ACTR3B: variants seen among roughly 807,000 people sequenced by gnomAD.
The protein encoded by ACTR3B is actin-related protein 3B.
Under a neutral mutation model 59.0 loss-of-function variants are expected in ACTR3B, and 8 were observed. The ratio of observed to expected loss-of-function variants is 0.14; its 90% CI spans 0.08 to 0.24. The LOEUF is 0.24. Ranked by LOEUF, ACTR3B falls within the 10% of genes least tolerant of loss-of-function variation. ACTR3B has a pLI of 1.00. For synonymous variants in ACTR3B, 148 were observed against 197.9 expected (o/e 0.75, Z 2.12); for missense variants, 245 against 552.3 (o/e 0.44, Z 5.58).
chr7:152,832,805 A>C (rs1797134146), intron 9 of ACTR3B, among the ~76,000 whole-genome samples: 1 of 152,166 alleles, frequency 6.6e-6, no homozygotes, highest in South Asian at 2.1e-4. Flanking sequence ...TCTTGAGGAA[A>C]TCTCAGTTTT....
At chr7:152,778,889 G>GCC (rs1159622560) in intron 1 of ACTR3B, among the ~76,000 whole-genome samples, 3 of 137,776 alleles carry the variant, frequency 2.2e-5, no homozygotes, top group Admixed American at 1.6e-4. Flanking sequence ...GCTGCAGTGA[G>GCC]CCGTGATCAC....
intron 9 of ACTR3B, among the ~76,000 whole-genome samples, chr7:152,846,281 A>G (rs754035534): frequency 5.7e-4 from 80 of 139,508 alleles, no homozygotes; most frequent in Non-Finnish European, 1.1e-3. Context: ...CCCGGGCTGC[A>G]GTCTGTAGTG....
chr7:152,789,628 G>A (rs1317639394), intron 2 of ACTR3B, among the ~76,000 whole-genome samples: 3 of 151,070 alleles, frequency 2.0e-5, no homozygotes, highest in African/African-American at 7.4e-5. Flanking sequence ...TTTCTATGCA[G>A]ACTATTGTAT....
chr7:152,834,868 C>G (rs1715616286), intron 9 of ACTR3B, among the ~76,000 whole-genome samples: 1 of 152,142 alleles, frequency 6.6e-6, no homozygotes, highest in Non-Finnish European at 1.5e-5. Context: ...CCTGGCTTAG[C>G]CAGTTTTTGA....
chr7:152,809,727 G>C (rs1272789594), intron 4 of ACTR3B, among the ~76,000 whole-genome samples: 1 of 151,986 alleles, frequency 6.6e-6, no homozygotes, highest in Non-Finnish European at 1.5e-5. Context: ...ATATTTAGTA[G>C]AGACGGGGTT....
intron 2 of ACTR3B, among the ~76,000 whole-genome samples, chr7:152,788,958 G>T (rs1242157436): frequency 6.6e-6 from 1 of 152,236 alleles, no homozygotes; most frequent in Admixed American, 6.5e-5. Context: ...GGGAGTCGAG[G>T]TTGCAGTGAG....
intron 2 of ACTR3B, among the ~76,000 whole-genome samples, chr7:152,800,287 C>A (rs1414107807): frequency 6.6e-6 from 1 of 152,264 alleles, no homozygotes; most frequent in African/African-American, 2.4e-5. Flanking sequence ...GACCTTCTGT[C>A]AGTATAAAAG....
At position 152,855,309 on chromosome 7, in the gene ACTR3B, T is replaced by A. The variant is rs1799167374; in HGVS notation, c.*756T>A. On this transcript the variant is annotated 3_prime_UTR_variant, in exon 12 of 12. Transcript: ENST00000256001. ...TTTTATAGAAGATGATGGTTTGTTG[T>A]CGGTGAGTGTTGGATGAAATACTTC... 1 of 152,274 alleles carries A rather than the reference T, an allele frequency of 6.6e-6. No homozygotes were observed. The highest frequency in any genetic ancestry group is 1.9e-4 in the East Asian group (1 of 5,200). 9.4% of individuals were successfully genotyped at this position (152,274 alleles called of 1,614,324 possible).
chr7:152,765,132 CCGGAGACAGA>C (rs2098104941), intron 1 of ACTR3B, among the ~76,000 whole-genome samples: 1 of 99,152 alleles, frequency 1.0e-5, no homozygotes, highest in Admixed American at 1.2e-4. Context: ...TTTTTTTTTT[CCGGAGACAGA>C]GTTTTGCTTT....
At chr7:152,822,897 C>T (rs943235221) in intron 7 of ACTR3B, among the ~76,000 whole-genome samples, 7 of 152,284 alleles carry the variant, frequency 4.6e-5, no homozygotes, top group African/African-American at 7.2e-5. Context: ...CCAAAGAAGC[C>T]GCTGCAGTCA....
At chr7:152,785,389 AGGGGAG>A (rs2098168544) in intron 2 of ACTR3B, among the ~76,000 whole-genome samples, 6 of 2,432 alleles carry the variant, frequency 2.5e-3, no homozygotes, top group Non-Finnish European at 4.2e-3. Context: ...GGGGGGGGGG[AGGGGAG>A]GGGGAGGGGG....
At chr7:152,768,509 T>G (rs1238498529) in intron 1 of ACTR3B, among the ~76,000 whole-genome samples, 1 of 152,166 alleles carries the variant, frequency 6.6e-6, no homozygotes, top group East Asian at 1.9e-4. Flanking sequence ...AGAGTTTCAC[T>G]CTTGTTGCCC....
chr7:152,789,050 C>T lies in ACTR3B; in HGVS notation c.100+5808C>T, dbSNP rs1288581477. On this transcript the variant is annotated intron_variant, in intron 2 of 11. Transcript: ENST00000256001. ...ACAACAACAACAACAACAACAACAA[C>T]AAACAGCAACAACAAACAACAACAA... Among the ~76,000 whole-genome samples the T allele has an allele frequency of 8.4e-3, 659 of 78,000 alleles. 7 individuals are homozygous for T. Among genetic ancestry groups the T allele is most frequent in the South Asian group, 0.061 (143 of 2,350 alleles). 51.2% of individuals were successfully genotyped at this position (78,000 alleles called of 152,430 possible).
intron 9 of ACTR3B, among the ~76,000 whole-genome samples, chr7:152,836,947 G>T (rs1719539000): frequency 6.6e-6 from 1 of 152,232 alleles, no homozygotes; most frequent in Admixed American, 6.5e-5. Context: ...GAGGAAGGAG[G>T]ATTGCTTAAG....
rs546319915 is a variant in ACTR3B, at chr7:152,796,618, C to G, written c.101-3913C>G. On this transcript the variant is annotated intron_variant, in intron 2 of 11. Coordinates refer to ENST00000256001, the MANE Select transcript of ACTR3B (RefSeq NM_020445.6). ...AGTGCTCAAACCTAGGTTTTCATAA[C>G]TTCAGAGTCTGTGTGCTCATTCATG... Among the ~76,000 whole-genome samples the G allele has an allele frequency of 1.1e-4, 15 of 132,864 alleles. No individual in the cohort carries two copies. The South Asian group carries it at 3.4e-3, about 30-fold the overall frequency. 87.2% of individuals were successfully genotyped at this position (132,864 alleles called of 152,430 possible).
intron 9 of ACTR3B, among the ~76,000 whole-genome samples, chr7:152,825,400 C>G (rs1796490735): frequency 6.6e-6 from 1 of 152,174 alleles, no homozygotes; most frequent in Non-Finnish European, 1.5e-5. Context: ...TAACCTCCAC[C>G]TCCTGGGTTC....
chr7:152,854,511 C>A lies in ACTR3B; in HGVS notation c.1215C>A (p.Pro405=). Reference sequence around the variant, plus strand: ...AGAAGGACTATGAAGAGTACGGGCCCAGCATCTGCCGCCACAACCCCGTCT... The same window carrying A: ...AGAAGGACTATGAAGAGTACGGGCCAAGCATCTGCCGCCACAACCCCGTCT... ...HTKKDYEEYG[P]SICRHNPVFG... is the part of the protein sequence containing the mutation. Residue 405 remains proline (P), a synonymous_variant, in exon 12 of 12, where the codon CCC becomes CCA. Coordinates refer to ENST00000256001, the MANE Select transcript of ACTR3B (RefSeq NM_020445.6). This position sits in a 1 kb window ranked among gnomAD's most constrained non-coding sequence, Gnocchi z 4.9. 6.2e-7 allele frequency: 1 copy of A among 1,614,160 alleles called. No homozygotes were observed. The highest frequency in any genetic ancestry group is 1.1e-5 in the South Asian group (1 of 91,072).
intron 1 of ACTR3B, among the ~76,000 whole-genome samples, chr7:152,780,997 C>G (rs2098151294): frequency 6.6e-6 from 1 of 151,786 alleles, no homozygotes; most frequent in Non-Finnish European, 1.5e-5. Context: ...AACTGACATA[C>G]AGATAGGTAA....
intron 2 of ACTR3B, among the ~76,000 whole-genome samples, chr7:152,790,807 C>T (rs2098193061): frequency 6.6e-6 from 1 of 152,142 alleles, no homozygotes; most frequent in Non-Finnish European, 1.5e-5. Context: ...TGTTGTGTCT[C>T]TCAACTGTTG....
Sources: allele counts gnomAD v4.1 joint callset (sites outside exome capture counted in the v4.1 genomes callset), GRCh38; gene constraint gnomAD v4.1.1; non-coding constraint Gnocchi (gnomAD v3.1); transcripts MANE v1.5; gene names NCBI Gene and HGNC (gene_info 2026-07-23, HGNC 2026-07-21).